The following SGCZ variants were observed in gnomAD, a reference collection of about 807,000 sequenced individuals.
SGCZ encodes the protein sarcoglycan zeta.
Under a neutral mutation model 41.3 loss-of-function variants are expected in SGCZ, and 40 were observed. The ratio of observed to expected loss-of-function variants is 0.97; its 90% CI spans 0.75 to 1.26. The LOEUF (loss-of-function observed/expected upper bound fraction) is 1.26. SGCZ is among the 50% of genes most tolerant of loss of function. The pLI, the probability that SGCZ is intolerant of heterozygous loss-of-function variation, is 0.00. For missense variants in SGCZ, 552 were observed against 369.8 expected, an observed-to-expected ratio of 1.49 and a Z score of -4.04; for synonymous variants, 206 against 137.5, an observed-to-expected ratio of 1.50 and a Z score of -3.49.
chr8:14,711,902 C>T (rs1809531369), intron 1 of SGCZ, among the ~76,000 whole-genome samples: 1 of 152,122 alleles, frequency 6.6e-6, no homozygotes, highest in Non-Finnish European at 1.5e-5. Context: ...GCAACTCCAG[C>T]CTCTCAGGTT....
At chr8:14,149,691 GA>G (rs1217941235) in intron 5 of SGCZ, among the ~76,000 whole-genome samples, 1 of 148,710 alleles carries the variant, frequency 6.7e-6, no homozygotes, top group Non-Finnish European at 1.5e-5. Context: ...AACTTTATAT[GA>G]AACCACAAGA....
At chr8:14,771,635 A>G (rs970106401) in intron 1 of SGCZ, among the ~76,000 whole-genome samples, 2 of 152,092 alleles carry the variant, frequency 1.3e-5, no homozygotes, top group African/African-American at 2.4e-5. Flanking sequence ...ACAATATATC[A>G]TTTAAACTTT....
chr8:14,840,170 G>T (rs992366744), intron 1 of SGCZ, among the ~76,000 whole-genome samples: 2 of 152,060 alleles, frequency 1.3e-5, no homozygotes, highest in Non-Finnish European at 2.9e-5. Flanking sequence ...CTGCTTAAAA[G>T]TCAAGGAAAG....
chr8:14,481,641 A>C (rs939143339), intron 2 of SGCZ, among the ~76,000 whole-genome samples: 4 of 152,166 alleles, frequency 2.6e-5, no homozygotes, highest in Admixed American at 2.6e-4. Context: ...TCTGGTAGTT[A>C]AAGTGGAAGG....
At chr8:14,438,939 A>G (rs1398331629) in intron 2 of SGCZ, among the ~76,000 whole-genome samples, 1 of 152,168 alleles carries the variant, frequency 6.6e-6, no homozygotes, top group African/African-American at 2.4e-5. Context: ...TTCCTTTTTA[A>G]AACACCTTTA....
At chr8:14,305,559 C>G (rs1801322896) in intron 3 of SGCZ, among the ~76,000 whole-genome samples, 1 of 152,102 alleles carries the variant, frequency 6.6e-6, no homozygotes, top group African/African-American at 2.4e-5. Flanking sequence ...CAAATGTTCA[C>G]TCCTTTAAAA....
chr8:15,072,782 T>G (rs1805401903), intron 1 of SGCZ, among the ~76,000 whole-genome samples: 1 of 152,172 alleles, frequency 6.6e-6, no homozygotes, highest in African/African-American at 2.4e-5. Flanking sequence ...ATTGGTGTAA[T>G]GGAGATGATT....
chr8:14,363,241 G>A (rs980523677), intron 2 of SGCZ, among the ~76,000 whole-genome samples: 102 of 152,038 alleles, frequency 6.7e-4, no homozygotes, highest in African/African-American at 2.4e-3. Flanking sequence ...TTTTCATACC[G>A]TGCTATTTTT....
chr8:14,432,201 T>C (rs370754044), intron 2 of SGCZ, among the ~76,000 whole-genome samples: 2 of 152,102 alleles, frequency 1.3e-5, no homozygotes, highest in African/African-American at 4.8e-5. Context: ...GAGGAAAATA[T>C]GTCATTATAC....
intron 1 of SGCZ, among the ~76,000 whole-genome samples, chr8:15,225,382 A>G (rs939775761): frequency 1.3e-5 from 2 of 152,234 alleles, no homozygotes; most frequent in Non-Finnish European, 2.9e-5. Context: ...TAAGAAAAGA[A>G]GATGTATTTC....
In SGCZ at chr8:14,528,321, G is replaced by A. The variant is rs1197613440; in HGVS notation, c.234+26411C>T. 3.3e-5 allele frequency among the ~76,000 whole-genome samples: 5 copies of A among 151,992 alleles called. No homozygotes were observed. In the South Asian group the frequency reaches 1.0e-3, roughly 31 times the overall value. ...TCTGGGATATGAGAAAGCATGCGAC[G>A]GATTAAAAAGACAGGACAGGACTTC... On this transcript the variant is annotated intron_variant, in intron 2 of 7. Coordinates refer to ENST00000382080, the MANE Select transcript of SGCZ (RefSeq NM_139167.4).
intron 2 of SGCZ, among the ~76,000 whole-genome samples, chr8:14,437,033 C>A (rs1800113187): frequency 6.6e-6 from 1 of 152,172 alleles, no homozygotes; most frequent in South Asian, 2.1e-4. Flanking sequence ...GCGGGTTAGA[C>A]TCCCAGAATT....
chr8:14,314,352 G>A (rs1801647798), intron 3 of SGCZ, among the ~76,000 whole-genome samples: 1 of 151,918 alleles, frequency 6.6e-6, no homozygotes, highest in Non-Finnish European at 1.5e-5. Flanking sequence ...TTCTAAGGTT[G>A]CAGTCCAGCA....
chr8:15,178,088 C>G (rs1490416961), intron 1 of SGCZ, among the ~76,000 whole-genome samples: 1 of 152,152 alleles, frequency 6.6e-6, no homozygotes, highest in Non-Finnish European at 1.5e-5. Context: ...CTGCCATTTC[C>G]CCAGGACACT....
At chr8:15,108,859 A>G (rs1806935885) in intron 1 of SGCZ, among the ~76,000 whole-genome samples, 1 of 152,216 alleles carries the variant, frequency 6.6e-6, no homozygotes. Flanking sequence ...AGAACAAAAA[A>G]TAGGCCAACT....
At chr8:14,857,084 G>A (rs1803566146) in intron 1 of SGCZ, among the ~76,000 whole-genome samples, 1 of 152,146 alleles carries the variant, frequency 6.6e-6, no homozygotes, top group African/African-American at 2.4e-5. Context: ...TGTATAGTCA[G>A]TGAGTTCCCA....
intron 1 of SGCZ, among the ~76,000 whole-genome samples, chr8:14,782,107 T>G (rs1380784532): frequency 1.3e-5 from 2 of 152,160 alleles, no homozygotes; most frequent in Non-Finnish European, 2.9e-5. Flanking sequence ...CTTCACCCAT[T>G]TGAGCCCAAT....
At chr8:14,425,741 A>G (rs1262244166) in intron 2 of SGCZ, among the ~76,000 whole-genome samples, 3 of 152,206 alleles carry the variant, frequency 2.0e-5, no homozygotes, top group South Asian at 4.1e-4. Context: ...CTTAGTTTTT[A>G]GGTACATTTA....
chr8:14,830,610 G>C (rs991302825), intron 1 of SGCZ, among the ~76,000 whole-genome samples: 8 of 152,024 alleles, frequency 5.3e-5, no homozygotes. Flanking sequence ...TGTTAAAAGA[G>C]GTCTATGCAT....
Sources: allele counts gnomAD v4.1 joint callset (sites outside exome capture counted in the v4.1 genomes callset), GRCh38; gene constraint gnomAD v4.1.1; transcripts MANE v1.5; gene names NCBI Gene and HGNC (gene_info 2026-07-23, HGNC 2026-07-21).